SDK1: variants seen among roughly 807,000 people sequenced by gnomAD.
SDK1 encodes the protein protein sidekick-1.
A neutral mutation model predicts 245.5 loss-of-function variants in SDK1; 157 were observed. The observed-to-expected ratio is 0.64, with a 90% CI of 0.56 to 0.73. SDK1 has a LOEUF of 0.73. SDK1 is among the 30% of genes least tolerant of loss of function. The pLI is 0.00. For missense variants in SDK1, 3,583 were observed against 3,002.3 expected (o/e 1.19, Z -4.52); for synonymous variants, 1,647 against 1,278.5 (o/e 1.29, Z -6.15).
intron 5 of SDK1, among the ~76,000 whole-genome samples, chr7:3,938,400 T>C (rs1378493166): frequency 6.6e-6 from 1 of 151,926 alleles, no homozygotes; most frequent in Admixed American, 6.6e-5. Context: ...CCCAGCACTT[T>C]GGGAGGCCGA....
Position 4,235,043 on chromosome 7 carries a change from A to G in SDK1, c.5992+1624A>G, listed in dbSNP as rs139886363. 2.9e-3 allele frequency among the ~76,000 whole-genome samples: 438 copies of G among 152,258 alleles called. 4 individuals carry two copies. The highest frequency in any genetic ancestry group is 9.9e-3 in the African/African-American group (412 of 41,554). ...CTTTATGTGCTATGAGTTTGGAGGA[A>G]CGACCCTGTGCTCGTCTGTGGGTGA... On this transcript the variant is annotated intron_variant, in intron 41 of 44. Transcript: ENST00000404826.
intron 4 of SDK1, among the ~76,000 whole-genome samples, chr7:3,730,188 G>A (rs1371163687): frequency 6.6e-6 from 1 of 152,146 alleles, no homozygotes; most frequent in East Asian, 1.9e-4. Context: ...ACTCACATCT[G>A]TAGCTGAAAC....
At chr7:3,643,503 G>A (rs1782719418) in intron 4 of SDK1, 1 of 144,010 alleles carries the variant, frequency 6.9e-6, no homozygotes, top group South Asian at 2.2e-4. Context: ...CTGAGCAACT[G>A]TGGAATTCCT....
chr7:3,846,520 C>A (rs936391064), intron 5 of SDK1, among the ~76,000 whole-genome samples: 2 of 152,196 alleles, frequency 1.3e-5, no homozygotes, highest in African/African-American at 4.8e-5. Flanking sequence ...TCCCTGCACA[C>A]CTCACTCTCA....
At chr7:3,445,813 G>T (rs923130304) in intron 1 of SDK1, among the ~76,000 whole-genome samples, 2 of 152,024 alleles carry the variant, frequency 1.3e-5, no homozygotes, top group African/African-American at 4.8e-5. Context: ...AGAGAAGACA[G>T]TCTATTGTGT....
At chr7:4,211,780 T>C (rs1487200881) in intron 38 of SDK1, among the ~76,000 whole-genome samples, 1 of 152,176 alleles carries the variant, frequency 6.6e-6, no homozygotes, top group Non-Finnish European at 1.5e-5. Context: ...CAGCTAACTT[T>C]TTGTATTTTT....
intron 18 of SDK1, among the ~76,000 whole-genome samples, chr7:4,050,727 GA>G (rs2128166243): frequency 6.6e-6 from 1 of 151,888 alleles, no homozygotes; most frequent in South Asian, 2.1e-4. Context: ...TATTGCTGTT[GA>G]ATCATGGATG....
Position 4,265,305 on chromosome 7 carries a change from C to G in SDK1, c.6563C>G (p.Thr2188Arg). 6.4e-7 allele frequency: 1 copy of G among 1,566,184 alleles called. No homozygotes were observed. Among genetic ancestry groups the G allele is most frequent in the Non-Finnish European group, 8.6e-7 (1 of 1,164,480 alleles). ...AGAQLHPVIT[T>R]QSAGGVYTPA... The stretch of plus-strand genomic sequence containing the variant: ...GCGCAGCTGCACCCGGTCATCACCA[C>G]GCAGAGCGCGGGCGGCGTCTACACC... Residue 2188 changes from threonine (T) to arginine (R), a missense_variant, in exon 45 of 45, where the codon ACG becomes AGG. By Grantham distance (71) the Thr-to-Arg change is moderately conservative (BLOSUM62 -1). Transcript: ENST00000404826.
chr7:3,770,036 G>A (rs1367522416), intron 4 of SDK1, among the ~76,000 whole-genome samples: 2 of 151,762 alleles, frequency 1.3e-5, no homozygotes, highest in African/African-American at 4.8e-5. Flanking sequence ...TCCATTCATG[G>A]AGAATAGGTT....
chr7:3,483,789 C>T (rs755785348), intron 1 of SDK1, among the ~76,000 whole-genome samples: 10 of 152,122 alleles, frequency 6.6e-5, no homozygotes, highest in Admixed American at 6.6e-4. Flanking sequence ...TGATGTTTCT[C>T]CTTTAATACA....
In SDK1 at chr7:3,404,806, A is replaced by T. The variant is rs554485784; in HGVS notation, c.298+102922A>T. ...ACAGATGTGTTTTGGTTGGACAAGA[A>T]TGTAAAAGCTATTTTGGAGCATTTT... On this transcript the variant is annotated intron_variant, in intron 1 of 44. Coordinates refer to ENST00000404826, the MANE Select transcript of SDK1 (RefSeq NM_152744.4). 6.2e-4 allele frequency among the ~76,000 whole-genome samples: 94 copies of T among 152,328 alleles called. 1 individual carries two copies. Among genetic ancestry groups the T allele is most frequent in the African/African-American group, 2.3e-3 (94 of 41,572 alleles).
At position 3,712,293 on chromosome 7, in the gene SDK1, A is replaced by T. The variant is rs563518522; in HGVS notation, c.713+70188A>T. 3.9e-5 allele frequency among the ~76,000 whole-genome samples: 6 copies of T among 152,260 alleles called. No homozygotes were observed. In the South Asian group the frequency reaches 1.2e-3, roughly 32 times the overall value. ...AACCTTATTGTGAACTGTGCGTGTG[A>T]GGGTCCTAGGTTGCACGCTACTTAT... On this transcript the variant is annotated intron_variant, in intron 4 of 44. Transcript: ENST00000404826.
intron 5 of SDK1, among the ~76,000 whole-genome samples, chr7:3,861,808 GA>G (rs919668942): frequency 5.6e-4 from 85 of 152,012 alleles, no homozygotes; most frequent in African/African-American, 2.0e-3. Context: ...AACCTAAGTT[GA>G]AAAAAGAAAA....
At chr7:3,545,824 CTGAAAAG>C (rs1562553583) in intron 1 of SDK1, among the ~76,000 whole-genome samples, 1 of 152,164 alleles carries the variant, frequency 6.6e-6, no homozygotes, top group Non-Finnish European at 1.5e-5. Context: ...ACTTTGAAAT[CTGAAAAG>C]TGAAAAGAGA....
At chr7:3,571,059 G>T (rs1040910124) in intron 1 of SDK1, among the ~76,000 whole-genome samples, 1 of 151,926 alleles carries the variant, frequency 6.6e-6, no homozygotes, top group Non-Finnish European at 1.5e-5. Context: ...ATGAAATTCG[G>T]ATCTTCATGT....
chr7:3,403,846 TATATATATATATA>T (rs1778965703), intron 1 of SDK1, among the ~76,000 whole-genome samples: 2 of 106,930 alleles, frequency 1.9e-5, no homozygotes, highest in Non-Finnish European at 3.7e-5. Context: ...TATATATATA[TATATATATATATA>T]TATATATATA....
chr7:4,220,925 A>G (rs1785118267), intron 39 of SDK1, among the ~76,000 whole-genome samples: 1 of 130,000 alleles, frequency 7.7e-6, no homozygotes, highest in African/African-American at 2.9e-5. Flanking sequence ...GCTGGGCTAC[A>G]GGTGCAAGCC....
Position 3,967,471 on chromosome 7 carries a change from T to A in SDK1, c.1546+37T>A, listed in dbSNP as rs377064092. ...CCACTGCCCACAACAGCATGGCCCA[T>A]GTAGAACATAACCTATCGGGCCAGT... On this transcript the variant is annotated intron_variant, in intron 10 of 44. Transcript: ENST00000404826. The A allele has an allele frequency of 8.1e-5, 104 of 1,283,736 alleles. 1 individual carries two copies. The highest frequency in any genetic ancestry group is 1.9e-4 in the Middle Eastern group (1 of 5,350). 79.5% of individuals were successfully genotyped at this position (1,283,736 alleles called of 1,614,324 possible).
intron 28 of SDK1, among the ~76,000 whole-genome samples, chr7:4,139,627 ATATGTATATATGTG>A (rs1779399463): frequency 5.3e-5 from 2 of 38,056 alleles, no homozygotes. Flanking sequence ...GTGTGTGTGT[ATATGTATATATGTG>A]TGTGTATATG....
Sources: allele counts gnomAD v4.1 joint callset (sites outside exome capture counted in the v4.1 genomes callset), GRCh38; gene constraint gnomAD v4.1.1; transcripts MANE v1.5; gene names NCBI Gene and HGNC (gene_info 2026-07-23, HGNC 2026-07-21).